Variants in CLSTN1 observed in about 807,000 individuals in gnomAD.
CLSTN1 encodes the protein calsyntenin-1.
CLSTN1 carries 28 observed loss-of-function variants against 108.3 expected under a neutral mutation model. The observed-to-expected ratio is 0.26, with a 90% CI of 0.19 to 0.35. The LOEUF (loss-of-function observed/expected upper bound fraction) is 0.35, where lower values mean the gene tolerates loss of function less well. Ranked by LOEUF, CLSTN1 falls within the 10% of genes least tolerant of loss-of-function variation. CLSTN1 has a pLI of 1.00. For synonymous variants in CLSTN1, 524 were observed against 534.9 expected, an observed-to-expected ratio of 0.98 and a Z score of 0.28; for missense variants, 1,157 against 1,302.6, an observed-to-expected ratio of 0.89 and a Z score of 1.72.
intron 4 of CLSTN1, among the ~76,000 whole-genome samples, chr1:9,754,386 C>T (rs956915896): frequency 3.3e-5 from 5 of 151,878 alleles, no homozygotes; most frequent in African/African-American, 1.2e-4. Context: ...ATGGTGAAAC[C>T]CGTCTCTACT....
chr1:9,795,203 T>A (rs1653935435), intron 1 of CLSTN1, among the ~76,000 whole-genome samples: 1 of 150,682 alleles, frequency 6.6e-6, no homozygotes, highest in Non-Finnish European at 1.5e-5. Context: ...TTCGTTCTTG[T>A]CGCCCAGGCT....
At chr1:9,786,688 G>A (rs1406670085) in intron 1 of CLSTN1, among the ~76,000 whole-genome samples, 1 of 147,266 alleles carries the variant, frequency 6.8e-6, no homozygotes, top group African/African-American at 2.5e-5. Context: ...GGTGAGAGCT[G>A]TTTGCAAGCT....
In CLSTN1 at chr1:9,751,543, G is replaced by C; in HGVS notation, c.579C>G (p.Ser193=). The change falls in exon 5 of 19, where the codon TCC becomes TCG. Residue 193 remains serine, a synonymous_variant. Coordinates refer to ENST00000377298, the MANE Select transcript of CLSTN1 (RefSeq NM_001009566.3). The stretch of plus-strand genomic sequence containing the variant: ...AGCTGCAAATCTGGCTGAACTGAGG[G>C]GAGCAGTCGGCATCCACGGCCTCCA... ...LRVEAVDADC[S]PQFSQICSYE... The C allele has an allele frequency of 6.2e-7, 1 of 1,614,134 alleles. No homozygotes were observed. Among genetic ancestry groups the C allele is most frequent in the East Asian group, 2.2e-5 (1 of 44,878 alleles).
intron 1 of CLSTN1, among the ~76,000 whole-genome samples, chr1:9,793,385 G>A (rs978108311): frequency 7.3e-5 from 11 of 151,412 alleles, no homozygotes; most frequent in Non-Finnish European, 1.6e-4. Context: ...ATCCATCCAC[G>A]GCAGCTGTGG....
intron 18 of CLSTN1, 56 bp downstream of exon 18, chr1:9,731,150 C>T (rs775105201): frequency 9.4e-6 from 15 of 1,603,498 alleles, no homozygotes; most frequent in East Asian, 4.5e-5. Context: ...ACCGGCTTCT[C>T]GGAGGCCCTG....
chr1:9,775,510 G>A (rs1299648945), intron 1 of CLSTN1, among the ~76,000 whole-genome samples: 5 of 151,912 alleles, frequency 3.3e-5, no homozygotes, highest in Admixed American at 3.3e-4. Context: ...CGGCTCCTAA[G>A]TGTCGATGTC....
At position 9,773,378 on chromosome 1, in the gene CLSTN1, G is replaced by A; in HGVS notation, c.108C>T (p.Pro36=). 1 of 1,612,062 alleles carries A rather than the reference G, an allele frequency of 6.2e-7. No homozygotes were observed. Among genetic ancestry groups the A allele is most frequent in the Non-Finnish European group, 8.5e-7 (1 of 1,179,118 alleles). ...VWAARVNKHK[P]WLEPTYHGIV... ...TGCCGTGGTAGGTGGGCTCCAGCCAGGGCTTGTGCTTGTTAACTGTGTTTA... is the reference window on the plus strand; with the variant it reads ...TGCCGTGGTAGGTGGGCTCCAGCCAAGGCTTGTGCTTGTTAACTGTGTTTA... The change falls in exon 2 of 19, where the codon CCC becomes CCT. Residue 36 remains proline, a synonymous_variant. Transcript: ENST00000377298.
chr1:9,757,322 A>G (rs1192043441), intron 2 of CLSTN1, among the ~76,000 whole-genome samples: 2 of 150,678 alleles, frequency 1.3e-5, no homozygotes, highest in Non-Finnish European at 1.5e-5. Context: ...GCTCACTGCA[A>G]GCTCCGCCTC....
intron 1 of CLSTN1, among the ~76,000 whole-genome samples, chr1:9,800,559 A>G (rs1363035461): frequency 6.9e-5 from 4 of 57,904 alleles, no homozygotes; most frequent in African/African-American, 1.9e-4. Context: ...CTCCACTAGA[A>G]AAAAAAAAAA....
In CLSTN1 at chr1:9,799,681, G is replaced by A. The variant is rs186260005; in HGVS notation, c.91+23962C>T. Among the ~76,000 whole-genome samples the A allele has an allele frequency of 4.8e-3, 708 of 148,718 alleles. 3 individuals are homozygous for A. The highest frequency in any genetic ancestry group is 0.016 in the African/African-American group (637 of 40,246). On this transcript the variant is annotated intron_variant, in intron 1 of 18. Coordinates refer to ENST00000377298, the MANE Select transcript of CLSTN1 (RefSeq NM_001009566.3). ...AAAAATGCCAGGCGCGGTGACTCAC[G>A]CCTGTAATCCCATCACTTTGAGAGG...
intron 1 of CLSTN1, among the ~76,000 whole-genome samples, chr1:9,802,500 T>C (rs1219099662): frequency 6.6e-6 from 1 of 152,202 alleles, no homozygotes; most frequent in Non-Finnish European, 1.5e-5. Flanking sequence ...GGATGTACTA[T>C]CCATCCAGAT....
rs1650561512 is a variant in CLSTN1, at chr1:9,734,197, G to A, written c.2111-55C>T. The A allele has an allele frequency of 6.4e-7, 1 of 1,572,752 alleles. No individual in the cohort carries two copies. Among genetic ancestry groups the A allele is most frequent in the Non-Finnish European group, 8.7e-7 (1 of 1,148,732 alleles). Reference sequence around the variant, plus strand: ...AGTAGGGGCAGTGGGGCCCAGCGTGGCGGGGCACACTGGATGCCCTGCCGG... The same window carrying A: ...AGTAGGGGCAGTGGGGCCCAGCGTGACGGGGCACACTGGATGCCCTGCCGG... On this transcript the variant is annotated intron_variant, in intron 14 of 18. Coordinates refer to ENST00000377298, the MANE Select transcript of CLSTN1 (RefSeq NM_001009566.3). The surrounding 1 kb of genome is among the most constrained non-coding windows in gnomAD (Gnocchi z 4.8).
chr1:9,756,163 T>A (rs1462639131), intron 3 of CLSTN1, among the ~76,000 whole-genome samples: 1 of 152,234 alleles, frequency 6.6e-6, no homozygotes, highest in African/African-American at 2.4e-5. Context: ...GTATTTCACA[T>A]GAAAATAAGA....
intron 1 of CLSTN1, among the ~76,000 whole-genome samples, chr1:9,773,865 TG>T (rs1184416109): frequency 6.6e-6 from 1 of 151,966 alleles, no homozygotes; most frequent in Non-Finnish European, 1.5e-5. Flanking sequence ...CCCAGGTAGC[TG>T]GGACTATGTG....
chr1:9,815,208 T>C (rs1008097971), intron 1 of CLSTN1, among the ~76,000 whole-genome samples: 5 of 152,234 alleles, frequency 3.3e-5, no homozygotes, highest in Admixed American at 6.5e-5. Context: ...TGATAAAATT[T>C]AGTCCTCAGG....
At chr1:9,799,306 C>T (rs764638727) in intron 1 of CLSTN1, among the ~76,000 whole-genome samples, 4 of 152,140 alleles carry the variant, frequency 2.6e-5, no homozygotes, top group Non-Finnish European at 5.9e-5. Context: ...AAGCTGTAAT[C>T]GACAAACTGC....
chr1:9,820,046 G>A (rs1471819482), intron 1 of CLSTN1, among the ~76,000 whole-genome samples: 2 of 122,296 alleles, frequency 1.6e-5, no homozygotes, highest in Non-Finnish European at 3.5e-5. Flanking sequence ...TTTTTTTTTT[G>A]GTATTTTTGT....
intron 2 of CLSTN1, among the ~76,000 whole-genome samples, chr1:9,771,311 C>T (rs985832906): frequency 2.6e-5 from 4 of 152,060 alleles, no homozygotes; most frequent in Non-Finnish European, 5.9e-5. Flanking sequence ...GAAACCTCGT[C>T]TCTACTAAAA....
chr1:9,765,946 T>C (rs1196241579), intron 2 of CLSTN1, among the ~76,000 whole-genome samples: 1 of 151,828 alleles, frequency 6.6e-6, no homozygotes, highest in Non-Finnish European at 1.5e-5. Context: ...CTCAGTTACA[T>C]GTGCTAAAAA....
Sources: gnomAD v4.1 joint callset for allele counts (sites outside exome capture counted in the v4.1 genomes callset) on GRCh38, gnomAD v4.1.1 for gene constraint, Gnocchi (gnomAD v3.1) non-coding constraint, MANE v1.5 for transcripts, NCBI Gene and HGNC (gene_info 2026-07-23, HGNC 2026-07-21) for gene names.